TSC1: variants seen among roughly 807,000 people sequenced by gnomAD.
TSC1 encodes TSC complex subunit 1.
Under a neutral mutation model 124.3 loss-of-function variants are expected in TSC1, and 20 were observed. That is an observed-to-expected ratio of 0.16 (90% confidence interval 0.11 to 0.23). The LOEUF is 0.23. Ranked by LOEUF, TSC1 falls within the 10% of genes least tolerant of loss-of-function variation. The probability of loss-of-function intolerance (pLI) is 1.00; values close to 1 mark genes in which losing one functional copy is unlikely to be tolerated. For missense variants in TSC1, 1,124 were observed against 1,448.5 expected (o/e 0.78, Z 3.64); for synonymous variants, 493 against 539.1 (o/e 0.91, Z 1.19).
rs1371989218 is a variant in TSC1, at chr9:132,891,461, A to G, written c.*4774T>C. ...ACTCTTTTGATTCCAATTCCCATTCACTAAGATTGTACCATTTTATCCTGC... is the reference window on the plus strand; with the variant it reads ...ACTCTTTTGATTCCAATTCCCATTCGCTAAGATTGTACCATTTTATCCTGC... On this transcript the variant is annotated 3_prime_UTR_variant, in exon 23 of 23. Coordinates refer to ENST00000298552, the MANE Select transcript of TSC1 (RefSeq NM_000368.5). 4.3e-6 allele frequency: 1 copy of G among 233,424 alleles called. No individual in the cohort carries two copies. The highest frequency in any genetic ancestry group is 8.5e-6 in the Non-Finnish European group (1 of 117,962). 14.5% of individuals were successfully genotyped at this position (233,424 alleles called of 1,614,324 possible). A position where few individuals can be genotyped will look rare whatever the true frequency, so the allele number is the denominator to read the frequency against.
intron 10 of TSC1, 91 bp downstream of exon 10, chr9:132,911,362 A>G (rs778101078): frequency 9.5e-7 from 1 of 1,053,086 alleles, no homozygotes; most frequent in Non-Finnish European, 1.5e-6. Context: ...GAGCAGTGTG[A>G]AATTTTCCCA....
Position 132,902,830 on chromosome 9 carries a change from C to T in TSC1, c.2209-43G>A, listed in dbSNP as rs750584389. On this transcript the variant is annotated intron_variant, in intron 17 of 22. Transcript: ENST00000298552. The surrounding 1 kb of genome is among the most constrained non-coding windows in gnomAD (Gnocchi z 5.2). ...TGTCATCATTTTAGCTGTCTTCCAACACAGGCAATTTAACACACACTGCGA... is the reference window on the plus strand; with the variant it reads ...TGTCATCATTTTAGCTGTCTTCCAATACAGGCAATTTAACACACACTGCGA... The T allele has an allele frequency of 1.2e-6, 2 of 1,608,954 alleles. No homozygotes were observed. The highest frequency in any genetic ancestry group is 1.7e-6 in the Non-Finnish European group (2 of 1,177,374).
At chr9:132,908,384 A>G (rs1397272090) in intron 12 of TSC1, among the ~76,000 whole-genome samples, 1 of 152,184 alleles carries the variant, frequency 6.6e-6, no homozygotes, top group East Asian at 1.9e-4. Context: ...GCAATATGTT[A>G]TTTTGACTGA....
intron 2 of TSC1, among the ~76,000 whole-genome samples, chr9:132,932,622 C>T (rs982943107): frequency 6.6e-6 from 1 of 152,200 alleles, no homozygotes; most frequent in African/African-American, 2.4e-5. Context: ...GAGTAGCCTA[C>T]AAGGCCTCAT....
At chr9:132,916,802 G>A (rs1266500335) in intron 8 of TSC1, among the ~76,000 whole-genome samples, 8 of 152,204 alleles carry the variant, frequency 5.3e-5, no homozygotes, top group Non-Finnish European at 1.5e-5. Context: ...CCTGGCTTCA[G>A]ATTGGACTGG....
upstream of TSC1, chr9:132,944,849 G>A (rs1436913046): frequency 2.7e-6 from 1 of 371,608 alleles, no homozygotes; most frequent in East Asian, 3.8e-5. Context: ...GATCCGAAAG[G>A]AGGCTGCGAA....
intron 1 of TSC1, among the ~76,000 whole-genome samples, chr9:132,938,137 C>T (rs548359417): frequency 6.6e-6 from 1 of 152,318 alleles, no homozygotes; most frequent in South Asian, 2.1e-4. Flanking sequence ...AGGCTACCTA[C>T]TATTCTACTC....
rs769389702 is a variant in TSC1 at position 132,897,237 on chromosome 9, G to A, written c.2922C>T (p.Leu974=). The A allele has an allele frequency of 6.8e-5, 110 of 1,613,950 alleles. No homozygotes were observed. The highest frequency in any genetic ancestry group is 8.7e-5 in the Non-Finnish European group (103 of 1,180,030). The change falls in exon 22 of 23, where the codon CTC becomes CTT. Residue 974 remains leucine, a synonymous_variant. Coordinates refer to ENST00000298552, the MANE Select transcript of TSC1 (RefSeq NM_000368.5). ...DLYGRLEKDG[L]LKKLEEEKAE... ...CTTTTTCTTCTTCAAGTTTTTTCAGGAGGCCATCTTTCTCCAACCTGCCAT... is the reference window on the plus strand; with the variant it reads ...CTTTTTCTTCTTCAAGTTTTTTCAGAAGGCCATCTTTCTCCAACCTGCCAT...
chr9:132,933,420 A>G (rs977905268), intron 2 of TSC1, among the ~76,000 whole-genome samples: 2 of 151,794 alleles, frequency 1.3e-5, no homozygotes, highest in African/African-American at 4.8e-5. Context: ...CCATGAAAAA[A>G]GAAAAATGCT....
rs1187486929 is a variant in TSC1, at chr9:132,891,891, C to T, written c.*4344G>A. 1.3e-5 allele frequency: 3 copies of T among 233,494 alleles called. No individual in the cohort carries two copies. Among genetic ancestry groups the T allele is most frequent in the African/African-American group, 6.6e-5 (3 of 45,338 alleles). 14.5% of individuals were successfully genotyped at this position (233,494 alleles called of 1,614,324 possible). ...TGGGGAAAGGGAGGGAAGGGTTGGT[C>T]TGGGGGTTCTCAGACTCTCAGGGTT... On this transcript the variant is annotated 3_prime_UTR_variant, in exon 23 of 23. Coordinates refer to ENST00000298552, the MANE Select transcript of TSC1 (RefSeq NM_000368.5).
Position 132,921,614 on chromosome 9 carries a change from T to C in TSC1, c.664-178A>G, listed in dbSNP as rs1846558685. Among the ~76,000 whole-genome samples the C allele has an allele frequency of 6.6e-6, 1 of 152,238 alleles. No homozygotes were observed. The highest frequency in any genetic ancestry group is 2.4e-5 in the African/African-American group (1 of 41,470). On this transcript the variant is annotated intron_variant, in intron 7 of 22. Transcript: ENST00000298552. The surrounding 1 kb of genome is among the most constrained non-coding windows in gnomAD (Gnocchi z 4.3). ...CAGTCACAAAAGACCACATATTATA[T>C]GATCCCATTTATACAAAATGTCCAG...
intron 8 of TSC1, among the ~76,000 whole-genome samples, chr9:132,917,841 T>G (rs1846346549): frequency 6.6e-6 from 1 of 152,234 alleles, no homozygotes; most frequent in Admixed American, 6.5e-5. Context: ...AGTCTCAAAA[T>G]GGTCTTTTTC....
At chr9:132,911,195 GC>G in intron 10 of TSC1, 82 bp from the exon 11 acceptor site, 3 of 1,191,198 alleles carry the variant, frequency 2.5e-6, no homozygotes, top group Non-Finnish European at 3.7e-6. Context: ...CCAGTGTTCA[GC>G]TTAAATTTAG....
intron 8 of TSC1, among the ~76,000 whole-genome samples, chr9:132,918,132 G>C (rs897940610): frequency 6.6e-6 from 1 of 152,194 alleles, no homozygotes; most frequent in Non-Finnish European, 1.5e-5. Flanking sequence ...ACTGTCTACA[G>C]TAAAGACTTC....
At chr9:132,905,369 G>A (rs2131803193) in intron 15 of TSC1, among the ~76,000 whole-genome samples, 1 of 152,280 alleles carries the variant, frequency 6.6e-6, no homozygotes, top group East Asian at 1.9e-4. Flanking sequence ...GAAATGGACT[G>A]CTAAGGAATC....
chr9:132,910,345 G>A, intron 12 of TSC1: 1 of 696,284 alleles, frequency 1.4e-6, no homozygotes, highest in East Asian at 2.7e-5. Context: ...GGTTTGACCT[G>A]CTGGGTTCCC....
chr9:132,923,426 G>A lies in TSC1; in HGVS notation c.430C>T (p.Pro144Ser). The A allele has an allele frequency of 6.2e-7, 1 of 1,614,180 alleles. No individual in the cohort carries two copies. Among genetic ancestry groups the A allele is most frequent in the Non-Finnish European group, 8.5e-7 (1 of 1,180,024 alleles). Residue 144 changes from proline (P) to serine (S), a missense_variant, in exon 6 of 23, where the codon CCA becomes TCA. Pro to Ser is a moderately conservative substitution (Grantham distance 74). Transcript: ENST00000298552. This position sits in a 1 kb window ranked among gnomAD's most constrained non-coding sequence, Gnocchi z 4.2. ...LVLITMLPMI[P>S]QSGKQHLLDF... ...AGAAGATGCTGTTTCCCAGACTGTG[G>A]AATCATTGGTAGCATGGTTATCAAC... is the stretch of plus-strand genomic sequence containing the variant.
Position 132,910,648 on chromosome 9 carries a change from G to T in TSC1, c.1186C>A (p.Pro396Thr), listed in dbSNP as rs1845904238. 1.9e-6 allele frequency: 3 copies of T among 1,614,130 alleles called. No homozygotes were observed. In the East Asian group the frequency reaches 6.7e-5, roughly 36 times the overall value. Residue 396 changes from proline (P) to threonine (T), a missense_variant, in exon 12 of 23, where the codon CCT becomes ACT. Coordinates refer to ENST00000298552, the MANE Select transcript of TSC1 (RefSeq NM_000368.5). ...TPLGTPATSP[P>T]PAPLCHSDDY... is the part of the protein sequence containing the mutation. Reference sequence around the variant, plus strand: ...TCCGAATGACAGAGTGGGGCTGGAGGAGGAGAGGTTGCTGGGGTTCCCAGA... The same window carrying T: ...TCCGAATGACAGAGTGGGGCTGGAGTAGGAGAGGTTGCTGGGGTTCCCAGA...
At position 132,904,462 on chromosome 9, in the gene TSC1, G is replaced by GA. The variant is rs1388433086; in HGVS notation, c.1998-9dup. 6.2e-7 allele frequency: 1 copy of GA among 1,613,786 alleles called. No individual in the cohort carries two copies. Among genetic ancestry groups the GA allele is most frequent in the African/African-American group, 1.3e-5 (1 of 74,924 alleles). ...TTGCTGGGTAAAGGCAACCTAGGAAGAAAGTTTTTGAGTAACAAAGTTACC... is the reference window on the plus strand; with the variant it reads ...TTGCTGGGTAAAGGCAACCTAGGAAGAAAAGTTTTTGAGTAACAAAGTTACC... On this transcript the variant is annotated splice_polypyrimidine_tract_variant and intron_variant, in intron 15 of 22. Coordinates refer to ENST00000298552, the MANE Select transcript of TSC1 (RefSeq NM_000368.5).
Sources: allele counts gnomAD v4.1 joint callset (sites outside exome capture counted in the v4.1 genomes callset), GRCh38; gene constraint gnomAD v4.1.1; non-coding constraint Gnocchi (gnomAD v3.1); transcripts MANE v1.5; gene names NCBI Gene and HGNC (gene_info 2026-07-23, HGNC 2026-07-21).